Variants in LRP6 observed in about 807,000 individuals in gnomAD.
The protein encoded by LRP6 is LDL receptor related protein 6, also known as low-density lipoprotein receptor-related protein 6.
Under a neutral mutation model 184.1 loss-of-function variants are expected in LRP6, and 43 were observed. The observed-to-expected ratio is 0.23, with a 90% confidence interval of 0.18 to 0.30. LRP6 has a LOEUF of 0.30. Ranked by LOEUF, LRP6 falls within the 10% of genes least tolerant of loss-of-function variation. The probability of loss-of-function intolerance (pLI) is 1.00; values close to 1 mark genes in which losing one functional copy is unlikely to be tolerated. For synonymous variants in LRP6, 719 were observed against 684.9 expected, an observed-to-expected ratio of 1.05 and a Z score of -0.78; for missense variants, 1,571 against 2,005.3, an observed-to-expected ratio of 0.78 and a Z score of 4.14.
At chr12:12,141,267 T>C (rs1949931225) in intron 15 of LRP6, among the ~76,000 whole-genome samples, 1 of 151,996 alleles carries the variant, frequency 6.6e-6, no homozygotes, top group African/African-American at 2.4e-5. Context: ...AGTATCAAAT[T>C]CTAGGACATT....
intron 7 of LRP6, among the ~76,000 whole-genome samples, chr12:12,169,197 C>G (rs942841282): frequency 6.6e-6 from 1 of 151,400 alleles, no homozygotes; most frequent in African/African-American, 2.4e-5. Flanking sequence ...CCATTGCACT[C>G]CAGCCTGGGC....
Position 12,121,091 on chromosome 12 carries a change from T to G in LRP6, c.*35A>C, listed in dbSNP as rs1310097915. On this transcript the variant is annotated 3_prime_UTR_variant, in exon 23 of 23. Coordinates refer to ENST00000261349, the MANE Select transcript of LRP6 (RefSeq NM_002336.3). ...TCAACCAAATTTATATTTACATTTT[T>G]ACGTTGGAGGCAGTCAGAGGAGGAG... 6.5e-7 allele frequency: 1 copy of G among 1,543,128 alleles called. No individual in the cohort carries two copies. The highest frequency in any genetic ancestry group is 8.7e-7 in the Non-Finnish European group (1 of 1,144,972).
rs1429268265 is a variant in LRP6 at position 12,130,908 on chromosome 12, T to C, written c.3971-15A>G. On this transcript the variant is annotated splice_polypyrimidine_tract_variant and intron_variant, in intron 18 of 22. Transcript: ENST00000261349. ...TAAACAAAGCACTGGAAAAAAAACA[T>C]AAATAGTTTCCTTATTTTTAATATC... The C allele has an allele frequency of 2.9e-6, 4 of 1,392,128 alleles. No homozygotes were observed. The Admixed American group carries it at 5.0e-5, about 17-fold the overall frequency. The allele number at this position is 1,392,128 out of a possible 1,614,324, so 86.2% of individuals were successfully genotyped here.
chr12:12,130,707 G>A (rs1190180975), intron 19 of LRP6, 76 bp downstream of exon 19: 5 of 839,594 alleles, frequency 6.0e-6, no homozygotes, highest in African/African-American at 1.7e-5. Flanking sequence ...ATCTCGATAA[G>A]TAAACCTCAC....
intron 5 of LRP6, among the ~76,000 whole-genome samples, chr12:12,182,982 G>GA (rs1231401916): frequency 6.6e-6 from 1 of 152,082 alleles, no homozygotes; most frequent in Non-Finnish European, 1.5e-5. Flanking sequence ...CATTTTTAAA[G>GA]AAAAAAGCAA....
intron 1 of LRP6, among the ~76,000 whole-genome samples, chr12:12,257,074 G>A (rs1442266948): frequency 1.3e-5 from 2 of 152,108 alleles, no homozygotes; most frequent in Non-Finnish European, 2.9e-5. Context: ...CATAGAGACA[G>A]AAAGTAAATT....
rs1217783068 is a variant in LRP6 at position 12,266,906 on chromosome 12, C to T, written c.-171G>A. On this transcript the variant is annotated 5_prime_UTR_variant, in exon 1 of 23. Coordinates refer to ENST00000261349, the MANE Select transcript of LRP6 (RefSeq NM_002336.3). Reference sequence around the variant, plus strand: ...AAGGTTCCGCGCGCGCCGCCGCCGCCCTCTCTACCGCGCCGCTCGGCCCCG... The same window carrying T: ...AAGGTTCCGCGCGCGCCGCCGCCGCTCTCTCTACCGCGCCGCTCGGCCCCG... 4 of 662,710 alleles carry T rather than the reference C, an allele frequency of 6.0e-6. No homozygotes were observed. The highest frequency in any genetic ancestry group is 3.6e-5 in the African/African-American group (2 of 54,982). The allele number at this position is 662,710 out of a possible 1,614,324, so 41.1% of individuals were successfully genotyped here. A position where few individuals can be genotyped will look rare whatever the true frequency, so the allele number is the denominator to read the frequency against.
chr12:12,181,124 C>T lies in LRP6; in HGVS notation c.1292G>A (p.Arg431Lys). ...DTGTDRIEVT[R>K]LNGTMRKILI... ...GATCTTCCTCATGGTCCCATTGAGC[C>T]TTGTCACTTCTATTCGATCAGTGCC... Residue 431 changes from arginine (R) to lysine (K), a missense_variant, in exon 6 of 23, where the codon AGG (arginine) becomes AAG (lysine). This residue lies in a region of LRP6 where 640 missense variants were observed against 851.9 expected (regional missense o/e 0.75). Coordinates refer to ENST00000261349, the MANE Select transcript of LRP6 (RefSeq NM_002336.3). 6.2e-7 allele frequency: 1 copy of T among 1,614,114 alleles called. No homozygotes were observed. The highest frequency in any genetic ancestry group is 8.5e-7 in the Non-Finnish European group (1 of 1,179,996).
rs1418947676 is a variant in LRP6 at position 12,139,032 on chromosome 12, GGC to G, written c.3398-500_3398-499del. On this transcript the variant is annotated intron_variant, in intron 15 of 22. Coordinates refer to ENST00000261349, the MANE Select transcript of LRP6 (RefSeq NM_002336.3). The stretch of plus-strand genomic sequence containing the variant: ...CATAGAGTCATCCAGACTCTGAGGA[GGC>G]AACTTCTGCTATTGTTGCACAGTGA... 1.8e-5 allele frequency: 23 copies of G among 1,286,714 alleles called. No homozygotes were observed. In the East Asian group the frequency reaches 1.2e-3, roughly 67 times the overall value. The allele number at this position is 1,286,714 out of a possible 1,614,324, so 79.7% of individuals were successfully genotyped here.
At chr12:12,151,081 A>G (rs1367157416) in intron 12 of LRP6, 43 bp from the exon 13 acceptor site, 1 of 1,447,598 alleles carries the variant, frequency 6.9e-7, no homozygotes, top group Admixed American at 1.8e-5. Flanking sequence ...TAGTTACCCT[A>G]CATCCTCTAT....
intron 9 of LRP6, among the ~76,000 whole-genome samples, chr12:12,162,910 T>C (rs1862773651): frequency 6.6e-6 from 1 of 152,202 alleles, no homozygotes; most frequent in African/African-American, 2.4e-5. Context: ...TATCAAGTAT[T>C]ATCCTAAGTA....
intron 10 of LRP6, among the ~76,000 whole-genome samples, chr12:12,160,425 T>C (rs1442596014): frequency 6.6e-6 from 1 of 152,202 alleles, no homozygotes; most frequent in Non-Finnish European, 1.5e-5. Flanking sequence ...TTCCTCAAAA[T>C]AAGTTGCAGA....
At chr12:12,241,258 G>A (rs1382725669) in intron 2 of LRP6, among the ~76,000 whole-genome samples, 11 of 152,102 alleles carry the variant, frequency 7.2e-5, no homozygotes, top group Admixed American at 7.2e-4. Context: ...CCTCAGCACT[G>A]TTTTCATGTA....
chr12:12,179,045 TTCTA>T (rs1863266543), intron 7 of LRP6, among the ~76,000 whole-genome samples: 1 of 152,200 alleles, frequency 6.6e-6, no homozygotes. Flanking sequence ...CCTAACTCTG[TTCTA>T]TCTATGTGAT....
At chr12:12,229,647 A>G (rs1187801477) in intron 2 of LRP6, among the ~76,000 whole-genome samples, 1 of 152,202 alleles carries the variant, frequency 6.6e-6, no homozygotes, top group Non-Finnish European at 1.5e-5. Context: ...TAATTCAACT[A>G]GTTGTGTAAT....
At chr12:12,244,224 G>A in intron 2 of LRP6, 38 bp downstream of exon 2, 3 of 1,610,434 alleles carry the variant, frequency 1.9e-6, no homozygotes, top group Non-Finnish European at 2.5e-6. Context: ...AAACCGAAAG[G>A]AGGTATGATG....
chr12:12,158,530 G>A (rs562188654), intron 12 of LRP6, among the ~76,000 whole-genome samples: 16 of 152,082 alleles, frequency 1.1e-4, no homozygotes, highest in Admixed American at 4.6e-4. Context: ...TCGCTATATT[G>A]CCTAGGCTGG....
chr12:12,216,095 CGGTTAT>C (rs1327246451), intron 2 of LRP6, among the ~76,000 whole-genome samples: 2 of 152,108 alleles, frequency 1.3e-5, no homozygotes, highest in African/African-American at 4.8e-5. Flanking sequence ...ATCTTCAAAG[CGGTTAT>C]GGTCTTCTAT....
rs563280101 is a variant in LRP6, at chr12:12,116,749, T to C, written c.*4377A>G. The C allele has an allele frequency of 9.2e-5, 14 of 152,120 alleles. No individual in the cohort carries two copies. The highest frequency in any genetic ancestry group is 1.6e-4 in the Non-Finnish European group (11 of 68,024). The allele number at this position is 152,120 out of a possible 1,614,324, so 9.4% of individuals were successfully genotyped here. A position where few individuals can be genotyped will look rare whatever the true frequency, so the allele number is the denominator to read the frequency against. ...AATTCTATCTGTAAAGTCATGGAGA[T>C]TTTTTTCAGCAATAAACTCAACAAT... On this transcript the variant is annotated 3_prime_UTR_variant, in exon 23 of 23. Transcript: ENST00000261349.
Sources: gnomAD v4.1 joint callset for allele counts (sites outside exome capture counted in the v4.1 genomes callset) on GRCh38, gnomAD v4.1.1 for gene constraint, gnomAD v4.1.1 regional missense constraint, MANE v1.5 for transcripts, NCBI Gene and HGNC (gene_info 2026-07-23, HGNC 2026-07-21) for gene names.